The following KLHL32 variants were observed in gnomAD, a reference collection of about 807,000 sequenced individuals.
The protein encoded by KLHL32 is kelch like family member 32, also known as kelch-like protein 32.
In KLHL32, 35 loss-of-function variants were observed where a neutral mutation model predicts 64.8. The observed-to-expected ratio is 0.54, with a 90% confidence interval of 0.41 to 0.72. The LOEUF (loss-of-function observed/expected upper bound fraction) is 0.72, where lower values mean the gene tolerates loss of function less well. KLHL32 is among the 30% of genes least tolerant of loss of function. The pLI, the probability that KLHL32 is intolerant of heterozygous loss-of-function variation, is 0.00. For synonymous variants in KLHL32, 259 were observed against 281.0 expected (o/e 0.92, Z 0.78); for missense variants, 589 against 768.5 (o/e 0.77, Z 2.76).
At chr6:96,910,783 C>G in the KLHL32 span, among the ~76,000 whole-genome samples, 1 of 152,034 alleles carries the variant, frequency 6.6e-6, no homozygotes, top group Non-Finnish European at 1.5e-5. Flanking sequence ...TACCATGAAG[C>G]AATTAGATTT....
At chr6:97,052,759 T>C (rs1346644684) in intron 4 of KLHL32, among the ~76,000 whole-genome samples, 1 of 152,218 alleles carries the variant, frequency 6.6e-6, no homozygotes, top group Non-Finnish European at 1.5e-5. Context: ...ATATTTTAAA[T>C]TTTATACCTA....
chr6:97,035,995 A>C (rs542405177), intron 3 of KLHL32, among the ~76,000 whole-genome samples: 60 of 152,126 alleles, frequency 3.9e-4, no homozygotes, highest in African/African-American at 1.3e-3. Flanking sequence ...TGTTCCATAA[A>C]ATCCATAGGC....
chr6:96,925,206 C>T (rs1427196554), intron 1 of KLHL32, among the ~76,000 whole-genome samples, 180 bp downstream of exon 1: 7 of 152,190 alleles, frequency 4.6e-5, no homozygotes, highest in Non-Finnish European at 1.0e-4. Context: ...ATGCTGCCAG[C>T]CCTGGAGTCG....
At chr6:97,003,498 A>ATATAAATGACTAAATTTATATATAAAT (rs1779297123) in intron 3 of KLHL32, among the ~76,000 whole-genome samples, 3 of 152,118 alleles carry the variant, frequency 2.0e-5, no homozygotes. Flanking sequence ...ATTTAGTTTA[A>ATATAAATGACTAAATTTATATATAAAT]TTAGTCATTT....
chr6:96,920,492 T>C (rs1047467255), upstream of KLHL32, among the ~76,000 whole-genome samples: 1 of 152,084 alleles, frequency 6.6e-6, no homozygotes, highest in African/African-American at 2.4e-5. Flanking sequence ...AGCACCTTGA[T>C]GTGTATGGCA....
At chr6:97,119,842 C>T (rs887335014) in intron 7 of KLHL32, among the ~76,000 whole-genome samples, 5 of 151,816 alleles carry the variant, frequency 3.3e-5, no homozygotes, top group African/African-American at 1.2e-4. Flanking sequence ...TAATAAATAG[C>T]ATTTTGGCTT....
At chr6:97,075,505 T>C (rs914727012) in intron 5 of KLHL32, among the ~76,000 whole-genome samples, 2 of 152,202 alleles carry the variant, frequency 1.3e-5, no homozygotes, top group Admixed American at 6.5e-5. Context: ...TCTATGACAA[T>C]GTTGAGAAAA....
intron 4 of KLHL32, among the ~76,000 whole-genome samples, chr6:97,044,496 G>C (rs567169144): frequency 6.6e-6 from 1 of 152,052 alleles, no homozygotes; most frequent in East Asian, 1.9e-4. Context: ...TCTGGCTTTG[G>C]TATCAGAATA....
At chr6:97,011,330 A>G (rs1780379325) in intron 3 of KLHL32, among the ~76,000 whole-genome samples, 1 of 152,224 alleles carries the variant, frequency 6.6e-6, no homozygotes, top group Admixed American at 6.5e-5. Flanking sequence ...CACTTTTAAG[A>G]AGCTTTGTGA....
At chr6:96,908,172 A>C in the KLHL32 span, among the ~76,000 whole-genome samples, 5 of 152,250 alleles carry the variant, frequency 3.3e-5, no homozygotes, top group Admixed American at 6.5e-5. Context: ...TCTGAGACTC[A>C]GAAAATATAC....
intron 1 of KLHL32, among the ~76,000 whole-genome samples, chr6:96,938,698 T>C (rs1486946892): frequency 6.6e-6 from 1 of 152,158 alleles, no homozygotes; most frequent in Admixed American, 6.5e-5. Context: ...GGCCTAAGCT[T>C]GAATCCTGGT....
chr6:97,006,076 T>TC (rs140836247), intron 3 of KLHL32, among the ~76,000 whole-genome samples: 14,118 of 152,184 alleles, frequency 0.093, 710 homozygotes, highest in Non-Finnish European at 0.12. Context: ...GTTAGTTTTT[T>TC]CCCTCAATGA....
the KLHL32 span, among the ~76,000 whole-genome samples, chr6:96,908,451 G>T: frequency 2.0e-5 from 3 of 152,134 alleles, no homozygotes; most frequent in Non-Finnish European, 2.9e-5. Context: ...GTTATTAACA[G>T]GGTTCTGCCA....
At chr6:96,905,660 T>C in the KLHL32 span, among the ~76,000 whole-genome samples, 4 of 152,340 alleles carry the variant, frequency 2.6e-5, no homozygotes, top group African/African-American at 9.6e-5. Flanking sequence ...AAAGCATAAG[T>C]CTTGTCATAC....
At chr6:96,935,954 G>T (rs1770545064) in intron 1 of KLHL32, among the ~76,000 whole-genome samples, 1 of 152,134 alleles carries the variant, frequency 6.6e-6, no homozygotes, top group Non-Finnish European at 1.5e-5. Context: ...GGTGCTTCTT[G>T]AATTTGCTCT....
chr6:97,086,986 C>T (rs868857696), intron 6 of KLHL32, among the ~76,000 whole-genome samples: 5 of 152,266 alleles, frequency 3.3e-5, no homozygotes, highest in Middle Eastern at 3.4e-3. Context: ...CAGAGATTGA[C>T]GTGGTAATGT....
the KLHL32 span, among the ~76,000 whole-genome samples, chr6:96,910,529 C>T: frequency 6.6e-6 from 1 of 152,210 alleles, no homozygotes; most frequent in Non-Finnish European, 1.5e-5. Flanking sequence ...CTCCACATAT[C>T]TACAGCACTT....
chr6:97,107,283 C>A (rs1227732592), intron 6 of KLHL32, among the ~76,000 whole-genome samples: 2 of 150,192 alleles, frequency 1.3e-5, no homozygotes, highest in African/African-American at 5.0e-5. Context: ...AAAGGCAAGA[C>A]TCCATCTCAA....
At chr6:97,033,799 A>T (rs914315004) in intron 3 of KLHL32, among the ~76,000 whole-genome samples, 5 of 151,914 alleles carry the variant, frequency 3.3e-5, no homozygotes, top group African/African-American at 1.2e-4. Context: ...CTTTTTATAT[A>T]CCTGTTGCCC....
Sources: allele counts gnomAD v4.1 joint callset (sites outside exome capture counted in the v4.1 genomes callset), GRCh38; gene constraint gnomAD v4.1.1; transcripts MANE v1.5; gene names NCBI Gene and HGNC (gene_info 2026-07-23, HGNC 2026-07-21).